RIMBP2: variants seen among roughly 807,000 people sequenced by gnomAD.
RIMBP2 encodes RIMS-binding protein 2.
RIMBP2 carries 48 observed loss-of-function variants against 118.6 expected under a neutral mutation model. The observed-to-expected ratio is 0.40, with a 90% CI of 0.32 to 0.51. The LOEUF is 0.51. Among genes scored for constraint, RIMBP2 ranks in the 20% least tolerant of loss-of-function variants. The probability of loss-of-function intolerance (pLI) is 0.41; values close to 1 mark genes in which losing one functional copy is unlikely to be tolerated. For synonymous variants in RIMBP2, 762 were observed against 742.9 expected (o/e 1.03, Z -0.42); for missense variants, 1,551 against 1,768.3 (o/e 0.88, Z 2.20).
chr12:130,590,421 T>C (rs1477019678), intron 2 of RIMBP2, among the ~76,000 whole-genome samples: 3 of 152,178 alleles, frequency 2.0e-5, no homozygotes, highest in Admixed American at 6.5e-5. Flanking sequence ...GCATCCCCAC[T>C]GTCCCTCAGC....
chr12:130,407,868 G>A (rs746628254), intron 19 of RIMBP2, 39 bp from the exon 20 acceptor site: 2 of 1,572,406 alleles, frequency 1.3e-6, no homozygotes, highest in Non-Finnish European at 8.8e-7. Context: ...CCATCATGAG[G>A]TTATTTCAAA....
At chr12:130,503,928 A>T (rs1467870798) in intron 4 of RIMBP2, among the ~76,000 whole-genome samples, 1 of 152,236 alleles carries the variant, frequency 6.6e-6, no homozygotes, top group African/African-American at 2.4e-5. Context: ...ATGCTTGGAA[A>T]GAAGCATAAT....
chr12:130,450,429 C>G lies in RIMBP2; in HGVS notation c.505-153G>C, dbSNP rs866252149. Among the ~76,000 whole-genome samples, 4 of 151,900 alleles carry G rather than the reference C, an allele frequency of 2.6e-5. No homozygotes were observed. Among genetic ancestry groups the G allele is most frequent in the Non-Finnish European group, 5.9e-5 (4 of 67,984 alleles). ...CCCAGGAGGCACTGCCACCCGCACA[C>G]CCACATGCGAGCTTGGAAAGGAGGG... On this transcript the variant is annotated intron_variant, in intron 8 of 22. Coordinates refer to ENST00000690449, the MANE Select transcript of RIMBP2 (RefSeq NM_001393629.1). The surrounding 1 kb of genome is among the most constrained non-coding windows in gnomAD (Gnocchi z 4.8).
At chr12:130,665,335 G>A (rs2171419) in intron 1 of RIMBP2, among the ~76,000 whole-genome samples, 82,019 of 151,036 alleles carry the variant, frequency 0.54, 23,523 homozygotes, top group Non-Finnish European at 0.64. Context: ...GACCAGCCCG[G>A]GCAACATGGT....
chr12:130,543,997 C>T (rs1444668754), intron 2 of RIMBP2, among the ~76,000 whole-genome samples: 1 of 152,182 alleles, frequency 6.6e-6, no homozygotes, highest in Non-Finnish European at 1.5e-5. Context: ...ATGCAAACCA[C>T]CTTATGATCA....
At chr12:130,508,026 T>C (rs898853563) in intron 3 of RIMBP2, among the ~76,000 whole-genome samples, 5 of 152,198 alleles carry the variant, frequency 3.3e-5, no homozygotes, top group Non-Finnish European at 7.3e-5. Flanking sequence ...AATATTTTAA[T>C]GCCATTTTGC....
intron 2 of RIMBP2, among the ~76,000 whole-genome samples, chr12:130,626,582 G>T (rs376044861): frequency 7.2e-6 from 1 of 139,052 alleles, no homozygotes; most frequent in African/African-American, 2.7e-5. Flanking sequence ...TCTCCATCAC[G>T]ACTACCGCCG....
At chr12:130,467,912 AC>A (rs1382712892) in intron 6 of RIMBP2, among the ~76,000 whole-genome samples, 3 of 152,054 alleles carry the variant, frequency 2.0e-5, no homozygotes, top group Non-Finnish European at 4.4e-5. Flanking sequence ...CATCTCAGAC[AC>A]CTTTGGTTCT....
Position 130,621,506 on chromosome 12 carries a change from C to T in RIMBP2, c.-217+6816G>A, listed in dbSNP as rs375840026. 1.2e-4 allele frequency among the ~76,000 whole-genome samples: 18 copies of T among 152,280 alleles called. No individual in the cohort carries two copies. Among genetic ancestry groups the T allele is most frequent in the Middle Eastern group, 6.8e-3 (2 of 292 alleles). ...TTCAATTACACCTGTCAAGAGCTCCCGTTTTTGCTGAGGCTAGTTTGAGCT... is the reference window on the plus strand; with the variant it reads ...TTCAATTACACCTGTCAAGAGCTCCTGTTTTTGCTGAGGCTAGTTTGAGCT... On this transcript the variant is annotated intron_variant, in intron 2 of 22. Coordinates refer to ENST00000690449, the MANE Select transcript of RIMBP2 (RefSeq NM_001393629.1). The surrounding 1 kb of genome is among the most constrained non-coding windows in gnomAD (Gnocchi z 6.6).
intron 6 of RIMBP2, among the ~76,000 whole-genome samples, chr12:130,460,892 A>G (rs2079921966): frequency 6.6e-6 from 1 of 151,942 alleles, no homozygotes; most frequent in Non-Finnish European, 1.5e-5. Flanking sequence ...CCCTCACCCA[A>G]CTGGGCTCAC....
rs1393686688 is a variant in RIMBP2 at position 130,617,192 on chromosome 12, G to A, written c.-217+11130C>T. Among the ~76,000 whole-genome samples, 20 of 112,980 alleles carry A rather than the reference G, an allele frequency of 1.8e-4. No individual in the cohort carries two copies. The highest frequency in any genetic ancestry group is 6.4e-4 in the African/African-American group (19 of 29,792). 74.1% of individuals were successfully genotyped at this position (112,980 alleles called of 152,430 possible). ...ATCCCCCACCCCCGACCCCCGCCCC[G>A]AGTTAGTGCTGCCACCTCCATCCAG... On this transcript the variant is annotated intron_variant, in intron 2 of 22. Transcript: ENST00000690449. The surrounding 1 kb of genome is among the most constrained non-coding windows in gnomAD (Gnocchi z 4.6).
chr12:130,494,950 G>A (rs1283674919), intron 4 of RIMBP2, among the ~76,000 whole-genome samples: 2 of 152,218 alleles, frequency 1.3e-5, no homozygotes, highest in African/African-American at 4.8e-5. Context: ...GGGAGAAGCC[G>A]CCCCATGCCC....
intron 2 of RIMBP2, among the ~76,000 whole-genome samples, chr12:130,572,729 G>T (rs962990444): frequency 6.6e-6 from 1 of 152,056 alleles, no homozygotes; most frequent in Middle Eastern, 3.2e-3. Flanking sequence ...GACTCACAGG[G>T]TTTCTCGGTG....
At chr12:130,496,824 C>T (rs546036798) in intron 4 of RIMBP2, among the ~76,000 whole-genome samples, 11 of 152,280 alleles carry the variant, frequency 7.2e-5, no homozygotes, top group African/African-American at 2.4e-4. Context: ...AGGAGTGGGA[C>T]CCTCAAGTTG....
chr12:130,712,440 AAC>A (rs377649508), intron 1 of RIMBP2, among the ~76,000 whole-genome samples: 16 of 152,116 alleles, frequency 1.1e-4, no homozygotes, highest in African/African-American at 3.9e-4. Flanking sequence ...CTAAGACATA[AAC>A]ACACACGTTC....
chr12:130,615,245 C>CATAATTATGT (rs201262394), intron 2 of RIMBP2, among the ~76,000 whole-genome samples: 99,979 of 127,986 alleles, frequency 0.78, 39,321 homozygotes, highest in South Asian at 0.85. Flanking sequence ...TATATGTACA[C>CATAATTATGT]ATAATTATGT....
At chr12:130,399,319 G>GACT (rs2074303955) in intron 22 of RIMBP2, among the ~76,000 whole-genome samples, 1 of 152,104 alleles carries the variant, frequency 6.6e-6, no homozygotes, top group Non-Finnish European at 1.5e-5. Flanking sequence ...CTTGTGAAGA[G>GACT]ACTAAAGTCC....
At chr12:130,666,823 G>A (rs1259773192) in intron 1 of RIMBP2, among the ~76,000 whole-genome samples, 9 of 125,508 alleles carry the variant, frequency 7.2e-5, no homozygotes, top group Non-Finnish European at 1.2e-4. Context: ...GGAAGAGATG[G>A]AAGAAGGGAG....
In RIMBP2 at chr12:130,434,909, G is replaced by T; in HGVS notation, c.2107-29C>A. 1 of 1,584,848 alleles carries T rather than the reference G, an allele frequency of 6.3e-7. No individual in the cohort carries two copies. The highest frequency in any genetic ancestry group is 8.6e-7 in the Non-Finnish European group (1 of 1,165,368). ...GGAAAGAAAAAGGAGGCACACGGGTGAGGCAGGGCCACCTTCAGCTACGCT... is the reference window on the plus strand; with the variant it reads ...GGAAAGAAAAAGGAGGCACACGGGTTAGGCAGGGCCACCTTCAGCTACGCT... On this transcript the variant is annotated intron_variant, in intron 13 of 22. Coordinates refer to ENST00000690449, the MANE Select transcript of RIMBP2 (RefSeq NM_001393629.1). This position sits in a 1 kb window ranked among gnomAD's most constrained non-coding sequence, Gnocchi z 5.7.
Sources: gnomAD v4.1 joint callset for allele counts (sites outside exome capture counted in the v4.1 genomes callset) on GRCh38, gnomAD v4.1.1 for gene constraint, Gnocchi (gnomAD v3.1) non-coding constraint, MANE v1.5 for transcripts, NCBI Gene and HGNC (gene_info 2026-07-23, HGNC 2026-07-21) for gene names.